CLSTN2: variants seen among roughly 807,000 people sequenced by gnomAD.
The protein encoded by CLSTN2 is calsyntenin 2.
CLSTN2 carries 48 observed loss-of-function variants against 101.2 expected under a neutral mutation model. The ratio of observed to expected loss-of-function variants is 0.47; its 90% CI spans 0.38 to 0.60. CLSTN2 has a LOEUF of 0.60. Among genes scored for constraint, CLSTN2 ranks in the 20% least tolerant of loss-of-function variants. CLSTN2 has a pLI of 0.00. For missense variants in CLSTN2, 1,160 were observed against 1,238.2 expected (o/e 0.94, Z 0.95); for synonymous variants, 481 against 463.6 (o/e 1.04, Z -0.48).
intron 1 of CLSTN2, among the ~76,000 whole-genome samples, chr3:139,988,834 A>AT (rs1442516486): frequency 6.6e-6 from 1 of 152,144 alleles, no homozygotes; most frequent in Non-Finnish European, 1.5e-5. Context: ...GGTTTTAGAA[A>AT]TTTTTATTTG....
intron 8 of CLSTN2, among the ~76,000 whole-genome samples, chr3:140,475,964 C>A (rs549749698): frequency 1.2e-4 from 19 of 152,270 alleles, no homozygotes; most frequent in African/African-American, 4.6e-4. Context: ...ATAATCTACT[C>A]AATAATAAAT....
At chr3:140,120,728 G>A (rs898618832) in intron 1 of CLSTN2, among the ~76,000 whole-genome samples, 1 of 152,206 alleles carries the variant, frequency 6.6e-6, no homozygotes, top group African/African-American at 2.4e-5. Flanking sequence ...TTGTCTGTCT[G>A]TCTGTCTGTC....
chr3:140,278,779 G>T (rs1287418738), intron 2 of CLSTN2, among the ~76,000 whole-genome samples: 3 of 152,094 alleles, frequency 2.0e-5, no homozygotes, highest in African/African-American at 7.2e-5. Flanking sequence ...GGAGTGCAGT[G>T]GTGCACTACA....
At chr3:140,485,951 G>A (rs979764456) in intron 8 of CLSTN2, among the ~76,000 whole-genome samples, 21 of 149,648 alleles carry the variant, frequency 1.4e-4, no homozygotes, top group South Asian at 6.4e-4. Flanking sequence ...CACTTGGTGC[G>A]CTGCACCCAC....
At chr3:140,497,037 A>G (rs2107760296) in intron 8 of CLSTN2, among the ~76,000 whole-genome samples, 1 of 147,890 alleles carries the variant, frequency 6.8e-6, no homozygotes, top group Non-Finnish European at 1.5e-5. Flanking sequence ...GGAGGCAGAG[A>G]TTGCAGTAAG....
Position 140,077,588 on chromosome 3 carries a change from G to A in CLSTN2, c.110-98363G>A, listed in dbSNP as rs529315382. Among the ~76,000 whole-genome samples the A allele has an allele frequency of 5.0e-4, 76 of 152,176 alleles. 1 individual carries two copies. The highest frequency in any genetic ancestry group is 1.8e-3 in the African/African-American group (73 of 41,540). On this transcript the variant is annotated intron_variant, in intron 1 of 16. Coordinates refer to ENST00000458420, the MANE Select transcript of CLSTN2 (RefSeq NM_022131.3). ...TCTTTAGTGAGAAGGGGCTCTGCCT[G>A]TCAGGAAGGCCTGCCCTGTACACTG...
At chr3:140,539,066 G>A (rs755434012) in intron 9 of CLSTN2, among the ~76,000 whole-genome samples, 1 of 152,170 alleles carries the variant, frequency 6.6e-6, no homozygotes, top group Non-Finnish European at 1.5e-5. Flanking sequence ...GTTTGCAGGG[G>A]GCAAGGGCTA....
At chr3:140,344,036 A>T (rs1217565897) in intron 2 of CLSTN2, among the ~76,000 whole-genome samples, 1 of 152,122 alleles carries the variant, frequency 6.6e-6, no homozygotes, top group Non-Finnish European at 1.5e-5. Context: ...TGTTTGTTCC[A>T]GTTGGCTATA....
intron 8 of CLSTN2, among the ~76,000 whole-genome samples, chr3:140,502,213 G>A (rs1206594511): frequency 1.3e-5 from 2 of 152,188 alleles, no homozygotes; most frequent in Non-Finnish European, 2.9e-5. Context: ...ACTCAGAAGG[G>A]CACATCTTTC....
At chr3:140,240,267 TATATACAC>T (rs1559816277) in intron 2 of CLSTN2, among the ~76,000 whole-genome samples, 1 of 79,718 alleles carries the variant, frequency 1.3e-5, no homozygotes, top group Admixed American at 2.2e-4. Flanking sequence ...TATATACACA[TATATACAC>T]ATATATACAT....
At chr3:140,155,585 A>C (rs1364392032) in intron 1 of CLSTN2, among the ~76,000 whole-genome samples, 2 of 152,232 alleles carry the variant, frequency 1.3e-5, no homozygotes, top group African/African-American at 4.8e-5. Flanking sequence ...CTAAGGCAGA[A>C]CATCTTGTCT....
intron 10 of CLSTN2, among the ~76,000 whole-genome samples, chr3:140,551,107 T>A (rs1935691610): frequency 6.6e-6 from 1 of 152,212 alleles, no homozygotes; most frequent in Non-Finnish European, 1.5e-5. Flanking sequence ...CTTTCCTCCA[T>A]ATCAGCAACT....
chr3:140,242,421 A>G (rs1235027148), intron 2 of CLSTN2, among the ~76,000 whole-genome samples: 1 of 152,204 alleles, frequency 6.6e-6, no homozygotes, highest in Non-Finnish European at 1.5e-5. Context: ...TAAGTCTTCC[A>G]TGGACCAGCT....
intron 1 of CLSTN2, among the ~76,000 whole-genome samples, chr3:140,129,055 A>C (rs1194720510): frequency 6.6e-6 from 1 of 151,988 alleles, no homozygotes; most frequent in Non-Finnish European, 1.5e-5. Flanking sequence ...AAATACAAAA[A>C]CTTGTAATCC....
Position 140,227,402 on chromosome 3 carries a change from A to G in CLSTN2, c.232+51329A>G, listed in dbSNP as rs547485851. ...AAGCTGATGCAAGAAGTTGGTTTCT[A>G]TGGTCTTGAAAAGCTACATTACTGT... On this transcript the variant is annotated intron_variant, in intron 2 of 16. Coordinates refer to ENST00000458420, the MANE Select transcript of CLSTN2 (RefSeq NM_022131.3). Among the ~76,000 whole-genome samples the G allele has an allele frequency of 3.3e-5, 5 of 152,348 alleles. No individual in the cohort carries two copies. In the East Asian group the frequency reaches 9.6e-4, roughly 29 times the overall value.
intron 2 of CLSTN2, among the ~76,000 whole-genome samples, chr3:140,315,319 C>A (rs1437951527): frequency 6.6e-6 from 1 of 152,214 alleles, no homozygotes; most frequent in African/African-American, 2.4e-5. Flanking sequence ...CCCAGCCAAT[C>A]ACGAATCCTG....
At chr3:140,098,666 A>G (rs1396774745) in intron 1 of CLSTN2, among the ~76,000 whole-genome samples, 1 of 152,236 alleles carries the variant, frequency 6.6e-6, no homozygotes, top group African/African-American at 2.4e-5. Flanking sequence ...ATACTCAAAC[A>G]TGTAATCTTC....
rs558268708 is a variant in CLSTN2, at chr3:140,177,285, G to T, written c.232+1212G>T. 3.0e-3 allele frequency among the ~76,000 whole-genome samples: 458 copies of T among 152,306 alleles called. 3 individuals are homozygous for T. Among genetic ancestry groups the T allele is most frequent in the Admixed American group, 5.3e-3 (81 of 15,296 alleles). ...CAGTTTTACCAAATGCCTGTTGGAA[G>T]TATAAACTCCTTGCAGTCTTTACCA... On this transcript the variant is annotated intron_variant, in intron 2 of 16. Transcript: ENST00000458420.
At chr3:140,036,690 T>G (rs965135489) in intron 1 of CLSTN2, among the ~76,000 whole-genome samples, 1 of 151,942 alleles carries the variant, frequency 6.6e-6, no homozygotes, top group Non-Finnish European at 1.5e-5. Flanking sequence ...CACCCATCCC[T>G]GTTGTTCTGA....
Sources: gnomAD v4.1 joint callset for allele counts (sites outside exome capture counted in the v4.1 genomes callset) on GRCh38, gnomAD v4.1.1 for gene constraint, MANE v1.5 for transcripts, NCBI Gene and HGNC (gene_info 2026-07-23, HGNC 2026-07-21) for gene names.